COPG2: variants seen among roughly 807,000 people sequenced by gnomAD.
The protein encoded by COPG2 is coatomer subunit gamma-2.
In COPG2, 37 loss-of-function variants were observed where a neutral mutation model predicts 46.3. The ratio of observed to expected loss-of-function variants is 0.80; its 90% CI spans 0.61 to 1.05. COPG2 has a LOEUF of 1.05. COPG2 is among the 50% of genes least tolerant of loss of function. The pLI is 0.00. For synonymous variants in COPG2, 159 were observed against 129.7 expected (o/e 1.23, Z -1.53); for missense variants, 427 against 387.8 (o/e 1.10, Z -0.85).
chr7:130,555,024 G>A lies in COPG2; in HGVS notation c.1224+13C>T. 1 of 398,466 alleles carries A rather than the reference G, an allele frequency of 2.5e-6. No homozygotes were observed. The highest frequency in any genetic ancestry group is 4.4e-6 in the Non-Finnish European group (1 of 226,006). The allele number at this position is 398,466 out of a possible 1,614,324, so 24.7% of individuals were successfully genotyped here. A position where few individuals can be genotyped will look rare whatever the true frequency, so the allele number is the denominator to read the frequency against. ...GACAGCAACTTCCTATGATTAAAAA[G>A]TAGTCTACCTACATCATCTCGGAGC... On this transcript the variant is annotated intron_variant, in intron 13 of 23. Coordinates refer to ENST00000425248, the MANE Select transcript of COPG2 (RefSeq NM_012133.6).
At chr7:130,588,683 T>C (rs1794335490) in intron 9 of COPG2, among the ~76,000 whole-genome samples, 1 of 152,098 alleles carries the variant, frequency 6.6e-6, no homozygotes, top group African/African-American at 2.4e-5. Context: ...CATTAGGAGA[T>C]ATATCTAATG....
chr7:130,523,925 G>A (rs1455553608), intron 20 of COPG2, among the ~76,000 whole-genome samples: 1 of 151,986 alleles, frequency 6.6e-6, no homozygotes, highest in East Asian at 1.9e-4. Context: ...CAGGGCGGGA[G>A]AGTCAGGTTG....
intron 1 of COPG2, 106 bp downstream of exon 1, chr7:130,668,526 C>A (rs1796149050): frequency 2.9e-6 from 3 of 1,029,560 alleles, no homozygotes; most frequent in African/African-American, 1.7e-5. Context: ...CCCCCTGGCA[C>A]GGCGGCGCCC....
chr7:130,517,751 G>A (rs1364000653), intron 20 of COPG2, among the ~76,000 whole-genome samples: 2 of 152,232 alleles, frequency 1.3e-5, no homozygotes, highest in Non-Finnish European at 2.9e-5. Flanking sequence ...ATATGATAGA[G>A]CATAACAGGA....
chr7:130,534,376 A>G (rs1799859074), intron 20 of COPG2, among the ~76,000 whole-genome samples: 1 of 152,194 alleles, frequency 6.6e-6, no homozygotes, highest in Non-Finnish European at 1.5e-5. Context: ...AGGGACTGCT[A>G]AGCAATGCAC....
At chr7:130,639,441 A>C (rs531523297) in intron 5 of COPG2, among the ~76,000 whole-genome samples, 22 of 152,164 alleles carry the variant, frequency 1.4e-4, no homozygotes, top group Admixed American at 4.6e-4. Flanking sequence ...AGTTTTTTCC[A>C]ATCAACAGAT....
At chr7:130,662,036 A>G (rs1795990622) in intron 4 of COPG2, among the ~76,000 whole-genome samples, 1 of 152,208 alleles carries the variant, frequency 6.6e-6, no homozygotes. Context: ...CCTGAAAAGT[A>G]GAATGAAGAT....
chr7:130,597,322 GTCTGA>G (rs1399641556), intron 9 of COPG2, among the ~76,000 whole-genome samples: 4 of 152,226 alleles, frequency 2.6e-5, no homozygotes. Flanking sequence ...CTTTTTCGAT[GTCTGA>G]TCTAGCCTAC....
chr7:130,549,105 A>C (rs1793493534), intron 18 of COPG2, among the ~76,000 whole-genome samples: 1 of 152,104 alleles, frequency 6.6e-6, no homozygotes, highest in African/African-American at 2.4e-5. Flanking sequence ...AACCAACGAG[A>C]TACAGAAAAG....
chr7:130,577,296 C>G (rs922258787), intron 9 of COPG2, among the ~76,000 whole-genome samples: 99 of 152,326 alleles, frequency 6.5e-4, no homozygotes, highest in African/African-American at 2.3e-3. Flanking sequence ...ACAGTGGGCG[C>G]AGGTCAGTGG....
chr7:130,566,181 T>A (rs949438467), intron 9 of COPG2, among the ~76,000 whole-genome samples: 2 of 152,240 alleles, frequency 1.3e-5, no homozygotes, highest in African/African-American at 4.8e-5. Flanking sequence ...AAAATAGTCA[T>A]TCTGACTGGT....
At chr7:130,648,305 T>G (rs1303252871) in intron 5 of COPG2, among the ~76,000 whole-genome samples, 3 of 152,170 alleles carry the variant, frequency 2.0e-5, no homozygotes, top group African/African-American at 7.2e-5. Flanking sequence ...AAGTCCAACA[T>G]AAGTCTCACT....
chr7:130,566,681 T>C (rs1450261883), intron 9 of COPG2, among the ~76,000 whole-genome samples: 2 of 152,150 alleles, frequency 1.3e-5, no homozygotes, highest in African/African-American at 2.4e-5. Flanking sequence ...CTGAGGGTTA[T>C]GGCTTGCTGC....
chr7:130,651,806 G>A lies in COPG2; in HGVS notation c.323+1063C>T, dbSNP rs529287352. On this transcript the variant is annotated intron_variant, in intron 5 of 23. Transcript: ENST00000425248. ...GCTGGGATTACAGGTGTGAGCCACC[G>A]CGCCCGGCCAATTTTTTTGTATTTT... 1.4e-4 allele frequency among the ~76,000 whole-genome samples: 21 copies of A among 151,166 alleles called. No individual in the cohort carries two copies. The East Asian group carries it at 3.7e-3, about 27-fold the overall frequency.
intron 9 of COPG2, among the ~76,000 whole-genome samples, chr7:130,597,573 G>T (rs1794552825): frequency 6.6e-6 from 1 of 151,912 alleles, no homozygotes; most frequent in African/African-American, 2.4e-5. Context: ...CCTAACAGTG[G>T]CCCTAATTGG....
At position 130,548,871 on chromosome 7, in the gene COPG2, T is replaced by C. The variant is rs935064915; in HGVS notation, c.1838-329A>G. Among the ~76,000 whole-genome samples the C allele has an allele frequency of 7.9e-5, 12 of 152,140 alleles. No homozygotes were observed. In the East Asian group the frequency reaches 9.7e-4, roughly 12 times the overall value. Reference sequence around the variant, plus strand: ...AGGCAGAGCTTGCAGCGAGCCGGTATTGTGCCACTGCACTCCAGCCTGGGT... The same window carrying C: ...AGGCAGAGCTTGCAGCGAGCCGGTACTGTGCCACTGCACTCCAGCCTGGGT... On this transcript the variant is annotated intron_variant, in intron 18 of 23. Coordinates refer to ENST00000425248, the MANE Select transcript of COPG2 (RefSeq NM_012133.6).
intron 4 of COPG2, among the ~76,000 whole-genome samples, chr7:130,661,124 G>C (rs1795969388): frequency 6.6e-6 from 1 of 152,212 alleles, no homozygotes; most frequent in Admixed American, 6.5e-5. Flanking sequence ...CAGGCTATTA[G>C]TCCTATCGAA....
intron 20 of COPG2, among the ~76,000 whole-genome samples, chr7:130,540,367 G>C (rs1235182959): frequency 2.6e-5 from 4 of 152,098 alleles, no homozygotes; most frequent in African/African-American, 9.6e-5. Flanking sequence ...AACAAAGGGG[G>C]AAGTTTCTGC....
At chr7:130,597,984 A>C (rs1554449890) in intron 9 of COPG2, among the ~76,000 whole-genome samples, 1 of 152,198 alleles carries the variant, frequency 6.6e-6, no homozygotes, top group Non-Finnish European at 1.5e-5. Flanking sequence ...TCAGCATGGC[A>C]AACAATGGGA....
Sources: allele counts gnomAD v4.1 joint callset (sites outside exome capture counted in the v4.1 genomes callset), GRCh38; gene constraint gnomAD v4.1.1; transcripts MANE v1.5; gene names NCBI Gene and HGNC (gene_info 2026-07-23, HGNC 2026-07-21).